The following SERPINE2 variants were observed in gnomAD, a reference collection of about 807,000 sequenced individuals.
SERPINE2 encodes the protein serpin family E member 2.
SERPINE2 carries 14 observed loss-of-function variants against 36.3 expected under a neutral mutation model. The ratio of observed to expected loss-of-function variants is 0.39; its 90% CI spans 0.25 to 0.60. The LOEUF is 0.60. SERPINE2 is among the 20% of genes least tolerant of loss of function. The probability of loss-of-function intolerance (pLI) is 0.57; values close to 1 mark genes in which losing one functional copy is unlikely to be tolerated. For missense variants in SERPINE2, 418 were observed against 499.6 expected, an observed-to-expected ratio of 0.84 and a Z score of 1.56; for synonymous variants, 192 against 191.8, an observed-to-expected ratio of 1.00 and a Z score of -0.01.
chr2:223,980,164 G>A, intron 7 of SERPINE2, 147 bp downstream of exon 7: 1 of 639,344 alleles, frequency 1.6e-6, no homozygotes, highest in Non-Finnish European at 2.8e-6. Flanking sequence ...CAGTCTGTCT[G>A]TACTCACTGC....
At chr2:224,012,604 A>C (rs80025833) in intron 1 of SERPINE2, among the ~76,000 whole-genome samples, 23 of 9,286 alleles carry the variant, frequency 2.5e-3, no homozygotes, top group Middle Eastern at 0.071. Flanking sequence ...CTCCATCCCA[A>C]AAAAAAAAAA....
chr2:223,993,818 C>T (rs1218876780), intron 3 of SERPINE2, among the ~76,000 whole-genome samples: 2 of 152,116 alleles, frequency 1.3e-5, no homozygotes, highest in Non-Finnish European at 2.9e-5. Context: ...CACAAGGGGG[C>T]ACTAACGCCA....
At chr2:223,998,383 A>T (rs1422363277) in intron 2 of SERPINE2, 41 bp from the exon 3 acceptor site, 3 of 1,510,074 alleles carry the variant, frequency 2.0e-6, no homozygotes, top group Non-Finnish European at 2.8e-6. Context: ...CTTCCATAAG[A>T]ATCTAGAAAA....
intron 5 of SERPINE2, among the ~76,000 whole-genome samples, chr2:223,983,365 C>T (rs569261425): frequency 1.6e-4 from 25 of 152,160 alleles, no homozygotes; most frequent in African/African-American, 5.3e-4. Context: ...GCAATTCTCC[C>T]GCCTCAGCCT....
chr2:223,980,419 G>C (rs1221206172), intron 6 of SERPINE2, 22 bp from the exon 7 acceptor site: 5 of 1,603,924 alleles, frequency 3.1e-6, no homozygotes, highest in Middle Eastern at 1.7e-4. Flanking sequence ...AAATAAAACA[G>C]TATCAGCATT....
chr2:223,994,763 G>A (rs577482726), intron 3 of SERPINE2, among the ~76,000 whole-genome samples: 2 of 152,316 alleles, frequency 1.3e-5, no homozygotes, highest in East Asian at 3.9e-4. Flanking sequence ...CACACTGGTT[G>A]AACATTTACT....
chr2:224,032,403 G>A (rs750430444), intron 1 of SERPINE2, among the ~76,000 whole-genome samples: 26 of 152,118 alleles, frequency 1.7e-4, no homozygotes, highest in Non-Finnish European at 2.6e-4. Context: ...CATGGAGGGC[G>A]AAAGTTGGGG....
At chr2:224,004,797 G>A (rs553066713) in intron 1 of SERPINE2, among the ~76,000 whole-genome samples, 66 of 151,436 alleles carry the variant, frequency 4.4e-4, no homozygotes, top group Middle Eastern at 3.4e-3. Context: ...CATCTCAATT[G>A]TTGTCTCTTG....
chr2:224,021,450 C>A (rs1559217770), intron 1 of SERPINE2, among the ~76,000 whole-genome samples: 1 of 152,140 alleles, frequency 6.6e-6, no homozygotes, highest in Non-Finnish European at 1.5e-5. Flanking sequence ...CAGAGCCTGA[C>A]CTTAAGAGCC....
intron 1 of SERPINE2, among the ~76,000 whole-genome samples, chr2:224,024,126 G>T (rs1282585418): frequency 6.6e-6 from 1 of 152,194 alleles, no homozygotes; most frequent in African/African-American, 2.4e-5. Context: ...TACTTCTAAA[G>T]TAGGAAAAGG....
At chr2:224,007,499 G>A (rs931782262) in intron 1 of SERPINE2, among the ~76,000 whole-genome samples, 9 of 152,102 alleles carry the variant, frequency 5.9e-5, no homozygotes, top group African/African-American at 1.2e-4. Context: ...TGATTTTGGA[G>A]TTAACTGCAG....
At chr2:224,011,956 T>C (rs556107471) in intron 1 of SERPINE2, among the ~76,000 whole-genome samples, 6 of 152,362 alleles carry the variant, frequency 3.9e-5, no homozygotes, top group African/African-American at 1.4e-4. Context: ...TTGTTGCTAA[T>C]GGTTTATACC....
At chr2:224,008,807 T>C (rs1368522444) in intron 1 of SERPINE2, among the ~76,000 whole-genome samples, 3 of 152,156 alleles carry the variant, frequency 2.0e-5, no homozygotes, top group Admixed American at 1.3e-4. Flanking sequence ...AAATCCAAAG[T>C]CCATTTACAC....
chr2:224,020,914 TATGA>T (rs1691977291), intron 1 of SERPINE2, among the ~76,000 whole-genome samples: 1 of 152,208 alleles, frequency 6.6e-6, no homozygotes, highest in Non-Finnish European at 1.5e-5. Context: ...ATTTTAGCAC[TATGA>T]ATGGATGGTC....
chr2:224,007,005 C>T (rs1691450177), intron 1 of SERPINE2, among the ~76,000 whole-genome samples: 1 of 152,208 alleles, frequency 6.6e-6, no homozygotes, highest in South Asian at 2.1e-4. Flanking sequence ...GACCCCTTAG[C>T]CTGGAACCAG....
intron 1 of SERPINE2, among the ~76,000 whole-genome samples, chr2:224,032,284 T>C (rs1692405206): frequency 6.6e-6 from 1 of 152,230 alleles, no homozygotes; most frequent in Non-Finnish European, 1.5e-5. Context: ...GCTTTGTATT[T>C]GGCATTAAAC....
intron 1 of SERPINE2, among the ~76,000 whole-genome samples, chr2:224,009,312 G>A (rs560855311): frequency 2.0e-5 from 3 of 152,178 alleles, no homozygotes; most frequent in Non-Finnish European, 4.4e-5. Context: ...AATCTACAGG[G>A]GCTACAGCAG....
At chr2:224,021,343 AAACAGTTCATGTGCTCTCCTAGTC>A (rs1371632731) in intron 1 of SERPINE2, among the ~76,000 whole-genome samples, 2 of 152,196 alleles carry the variant, frequency 1.3e-5, no homozygotes, top group African/African-American at 4.8e-5. Context: ...GAGGTTGCAC[AAACAGTTCATGTGCTCTCCTAGTC>A]AACAAAACAG....
chr2:224,022,164 A>AG (rs1692025646), intron 1 of SERPINE2, among the ~76,000 whole-genome samples: 1 of 112,490 alleles, frequency 8.9e-6, no homozygotes, highest in Non-Finnish European at 2.1e-5. Context: ...TTCTCAAAAA[A>AG]AAAAAAAAAA....
Sources: allele counts gnomAD v4.1 joint callset (sites outside exome capture counted in the v4.1 genomes callset), GRCh38; gene constraint gnomAD v4.1.1; transcripts MANE v1.5; gene names NCBI Gene and HGNC (gene_info 2026-07-23, HGNC 2026-07-21).